RANBP17: variants seen among roughly 807,000 people sequenced by gnomAD.
RANBP17 encodes the protein ran-binding protein 17.
A neutral mutation model predicts 141.2 loss-of-function variants in RANBP17; 158 were observed. The observed-to-expected ratio is 1.12, with a 90% CI of 0.98 to 1.28. RANBP17 has a LOEUF of 1.28. Among genes scored for constraint, RANBP17 ranks in the 50% most tolerant of loss-of-function variants. The pLI, the probability that RANBP17 is intolerant of heterozygous loss-of-function variation, is 0.00. For missense variants in RANBP17, 1,438 were observed against 1,290.7 expected, an observed-to-expected ratio of 1.11 and a Z score of -1.75; for synonymous variants, 430 against 450.0, an observed-to-expected ratio of 0.96 and a Z score of 0.56.
At chr5:171,006,827 G>A (rs1472833477) in intron 14 of RANBP17, among the ~76,000 whole-genome samples, 2 of 152,072 alleles carry the variant, frequency 1.3e-5, no homozygotes, top group African/African-American at 2.4e-5. Flanking sequence ...TGCTAAGCGG[G>A]CCATGAACTG....
chr5:170,995,184 A>C (rs1778732909), intron 14 of RANBP17, among the ~76,000 whole-genome samples: 1 of 152,112 alleles, frequency 6.6e-6, no homozygotes, highest in Non-Finnish European at 1.5e-5. Flanking sequence ...TTACAGTTGA[A>C]ACATTTCCGA....
At chr5:171,277,647 A>ATATATATATATATATATATT (rs1767595943) in intron 25 of RANBP17, among the ~76,000 whole-genome samples, 1 of 98,082 alleles carries the variant, frequency 1.0e-5, no homozygotes, top group African/African-American at 3.3e-5. Context: ...GTATATATAT[A>ATATATATATATATATATATT]TATATATATA....
At chr5:171,007,596 CAG>C (rs1220203034) in intron 14 of RANBP17, among the ~76,000 whole-genome samples, 2 of 152,076 alleles carry the variant, frequency 1.3e-5, no homozygotes, top group Admixed American at 1.3e-4. Flanking sequence ...GCATTGGGAA[CAG>C]AGACTAGGGA....
At chr5:170,871,300 G>A (rs574932276) in intron 1 of RANBP17, among the ~76,000 whole-genome samples, 45 of 27,912 alleles carry the variant, frequency 1.6e-3, no homozygotes, top group African/African-American at 2.6e-3. Flanking sequence ...GCCTGCCTCT[G>A]CCTCCCAAAG....
In RANBP17 at chr5:171,058,889, G is replaced by T. The variant is rs1012152623; in HGVS notation, c.1710+90512G>T. Among the ~76,000 whole-genome samples the T allele has an allele frequency of 1.3e-3, 193 of 150,954 alleles. 1 individual carries two copies. Among genetic ancestry groups the T allele is most frequent in the African/African-American group, 4.6e-3 (188 of 41,246 alleles). On this transcript the variant is annotated intron_variant, in intron 14 of 27. Coordinates refer to ENST00000523189, the MANE Select transcript of RANBP17 (RefSeq NM_022897.5). ...TGAGATGGTATCTCATTGTGGTTTT[G>T]ATTTGCATTTCTCTGATGGCCAGTG...
intron 21 of RANBP17, among the ~76,000 whole-genome samples, chr5:171,217,143 G>A (rs1200627): frequency 2.0e-5 from 3 of 152,050 alleles, no homozygotes; most frequent in African/African-American, 7.2e-5. Flanking sequence ...TTTATCGAAG[G>A]CCTTTTATGC....
chr5:171,069,356 G>A (rs1181804560), intron 14 of RANBP17, among the ~76,000 whole-genome samples: 2 of 152,158 alleles, frequency 1.3e-5, no homozygotes, highest in Admixed American at 1.3e-4. Flanking sequence ...GCAAAATGCT[G>A]AAATTTACCA....
chr5:171,278,886 C>T (rs934818926), intron 25 of RANBP17, among the ~76,000 whole-genome samples: 26 of 152,108 alleles, frequency 1.7e-4, no homozygotes, highest in Non-Finnish European at 5.9e-5. Flanking sequence ...AGAAAGTATT[C>T]GATAAACACG....
chr5:170,978,563 A>G (rs1777549472), intron 14 of RANBP17, among the ~76,000 whole-genome samples: 1 of 152,202 alleles, frequency 6.6e-6, no homozygotes, highest in Non-Finnish European at 1.5e-5. Flanking sequence ...ATTTATGATG[A>G]TTTTACAATA....
chr5:171,277,540 G>T (rs1767570260), intron 25 of RANBP17, among the ~76,000 whole-genome samples: 1 of 146,704 alleles, frequency 6.8e-6, no homozygotes, highest in African/African-American at 2.5e-5. Context: ...CTCGAACAGA[G>T]AATTTTAATA....
chr5:171,061,657 G>C (rs1458324475), intron 14 of RANBP17, among the ~76,000 whole-genome samples: 1 of 152,180 alleles, frequency 6.6e-6, no homozygotes, highest in Non-Finnish European at 1.5e-5. Context: ...GGGGTGGAGA[G>C]TTCTGTAGGT....
chr5:170,997,256 C>G (rs888130088), intron 14 of RANBP17, among the ~76,000 whole-genome samples: 3 of 152,190 alleles, frequency 2.0e-5, no homozygotes, highest in Non-Finnish European at 4.4e-5. Flanking sequence ...AAACCTCTCT[C>G]CTTTCTAAAT....
intron 10 of RANBP17, among the ~76,000 whole-genome samples, chr5:170,919,222 G>A (rs1772229403): frequency 6.6e-6 from 1 of 151,940 alleles, no homozygotes; most frequent in Admixed American, 6.6e-5. Context: ...TTAGAGGGAA[G>A]TAGAGTAATA....
At chr5:171,005,543 G>A (rs531627318) in intron 14 of RANBP17, among the ~76,000 whole-genome samples, 30 of 152,218 alleles carry the variant, frequency 2.0e-4, no homozygotes, top group Non-Finnish European at 2.8e-4. Context: ...CTAGCCATAT[G>A]TAGAAAGCTG....
At chr5:170,970,652 T>A (rs992582400) in intron 14 of RANBP17, 1 of 152,128 alleles carries the variant, frequency 6.6e-6, no homozygotes, top group African/African-American at 2.4e-5. Flanking sequence ...TGCAAAAATT[T>A]AAAAAATTCC....
chr5:171,042,895 T>C (rs1409411209), intron 14 of RANBP17, among the ~76,000 whole-genome samples: 1 of 152,168 alleles, frequency 6.6e-6, no homozygotes, highest in African/African-American at 2.4e-5. Flanking sequence ...AATCATTTCA[T>C]AAAGTATTTT....
At chr5:170,872,574 C>G (rs958258601) in intron 1 of RANBP17, among the ~76,000 whole-genome samples, 16 of 152,144 alleles carry the variant, frequency 1.1e-4, no homozygotes, top group Non-Finnish European at 2.2e-4. Flanking sequence ...GAGAGGGTAT[C>G]CTTGTCTTGT....
chr5:171,080,639 C>T (rs1290418274), intron 14 of RANBP17, among the ~76,000 whole-genome samples: 2 of 152,156 alleles, frequency 1.3e-5, no homozygotes, highest in African/African-American at 2.4e-5. Flanking sequence ...TTTAAATCTT[C>T]ACCAGAAATC....
intron 12 of RANBP17, among the ~76,000 whole-genome samples, chr5:170,941,681 A>T (rs1214690639): frequency 1.3e-5 from 2 of 152,168 alleles, no homozygotes; most frequent in African/African-American, 4.8e-5. Flanking sequence ...TATACAAAAA[A>T]CCCAACTTCA....
Sources: gnomAD v4.1 joint callset for allele counts (sites outside exome capture counted in the v4.1 genomes callset) on GRCh38, gnomAD v4.1.1 for gene constraint, MANE v1.5 for transcripts, NCBI Gene and HGNC (gene_info 2026-07-23, HGNC 2026-07-21) for gene names.